Variants in RUBCNL observed in about 807,000 individuals in gnomAD.
RUBCNL encodes protein associated with UVRAG as autophagy enhancer.
Under a neutral mutation model 69.5 loss-of-function variants are expected in RUBCNL, and 62 were observed. The observed-to-expected ratio is 0.89, with a 90% CI of 0.73 to 1.10. RUBCNL has a LOEUF of 1.10. Among genes scored for constraint, RUBCNL ranks in the 50% least tolerant of loss-of-function variants. The pLI is 0.00. For synonymous variants in RUBCNL, 291 were observed against 303.6 expected (o/e 0.96, Z 0.43); for missense variants, 768 against 798.1 (o/e 0.96, Z 0.45).
At chr13:46,364,064 C>T (rs1257808435) in intron 5 of RUBCNL, among the ~76,000 whole-genome samples, 1 of 151,716 alleles carries the variant, frequency 6.6e-6, no homozygotes, top group East Asian at 1.9e-4. Context: ...AAAAGGAATA[C>T]AGTTGTTTAA....
Position 46,341,855 on chromosome 13 carries a change from G to A in RUBCNL, c.*1530C>T, listed in dbSNP as rs2048146629. ...ATCATGCACTTCCTGTGGGAACCTA[G>A]GAAAGTTATTTCTCTTCTCTAGGCC... On this transcript the variant is annotated 3_prime_UTR_variant, in exon 15 of 15. Coordinates refer to ENST00000429979, the MANE Select transcript of RUBCNL (RefSeq NM_025113.5). 1 of 152,220 alleles carries A rather than the reference G, an allele frequency of 6.6e-6. No individual in the cohort carries two copies. The highest frequency in any genetic ancestry group is 2.1e-4 in the South Asian group (1 of 4,836). 9.4% of individuals were successfully genotyped at this position (152,220 alleles called of 1,614,324 possible). A position where few individuals can be genotyped will look rare whatever the true frequency, so the allele number is the denominator to read the frequency against.
intron 9 of RUBCNL, among the ~76,000 whole-genome samples, chr13:46,357,160 T>G (rs906860342): frequency 6.6e-6 from 1 of 151,258 alleles, no homozygotes; most frequent in Non-Finnish European, 1.5e-5. Flanking sequence ...GGCCAAACCC[T>G]GTCTCTACTA....
chr13:46,370,531 T>C (rs967084687), intron 3 of RUBCNL, among the ~76,000 whole-genome samples: 4 of 152,200 alleles, frequency 2.6e-5, no homozygotes, highest in African/African-American at 4.8e-5. Flanking sequence ...ATGAATCCCC[T>C]TACTGAGTTT....
upstream of RUBCNL, among the ~76,000 whole-genome samples, chr13:46,388,964 C>T (rs1192498559): frequency 6.6e-6 from 1 of 152,146 alleles, no homozygotes; most frequent in East Asian, 1.9e-4. Context: ...CCAGCTTTGA[C>T]CTGCAAGAAC....
In RUBCNL at chr13:46,338,377, A is replaced by G. The variant is rs2138651806; in HGVS notation, c.*5008T>C. 6.6e-6 allele frequency among the ~76,000 whole-genome samples: 1 copy of G among 152,220 alleles called. No homozygotes were observed. Among genetic ancestry groups the G allele is most frequent in the East Asian group, 1.9e-4 (1 of 5,160 alleles). On this transcript the variant is annotated 3_prime_UTR_variant, in exon 15 of 15. Transcript: ENST00000429979. ...CCCTCTCTCTTCCCACTTTGGCTCC[A>G]TCCTACAAGCAGCTGCCCCTTGGCT...
At position 46,338,459 on chromosome 13, in the gene RUBCNL, C is replaced by T. The variant is rs2048118414; in HGVS notation, c.*4926G>A. Among the ~76,000 whole-genome samples the T allele has an allele frequency of 6.6e-6, 1 of 152,076 alleles. No homozygotes were observed. The highest frequency in any genetic ancestry group is 2.1e-4 in the South Asian group (1 of 4,832). The stretch of plus-strand genomic sequence containing the variant: ...CAGGAGGCTGGACCAGGGGAAAGAC[C>T]TGAGCAGCCCTAAAAGTGGGGTTGA... On this transcript the variant is annotated 3_prime_UTR_variant, in exon 15 of 15. Coordinates refer to ENST00000429979, the MANE Select transcript of RUBCNL (RefSeq NM_025113.5).
Position 46,339,266 on chromosome 13 carries a change from G to C in RUBCNL, c.*4119C>G, listed in dbSNP as rs1453583780. 6.6e-6 allele frequency among the ~76,000 whole-genome samples: 1 copy of C among 152,050 alleles called. No homozygotes were observed. Among genetic ancestry groups the C allele is most frequent in the African/African-American group, 2.4e-5 (1 of 41,396 alleles). ...GTATTGTTTTAGTTTCTAGTGAAGT[G>C]AAAAAGGGGAACTACGGTTTTCCTT... On this transcript the variant is annotated 3_prime_UTR_variant, in exon 15 of 15. Transcript: ENST00000429979.
intron 10 of RUBCNL, among the ~76,000 whole-genome samples, chr13:46,354,280 G>A (rs974715786): frequency 6.6e-6 from 1 of 152,094 alleles, no homozygotes; most frequent in African/African-American, 2.4e-5. Context: ...ATAAAGCCTG[G>A]GGTTTCATTA....
Position 46,338,417 on chromosome 13 carries a change from G to A in RUBCNL, c.*4968C>T, listed in dbSNP as rs1445285627. 6.6e-6 allele frequency among the ~76,000 whole-genome samples: 1 copy of A among 152,080 alleles called. No homozygotes were observed. Among genetic ancestry groups the A allele is most frequent in the Non-Finnish European group, 1.5e-5 (1 of 68,034 alleles). On this transcript the variant is annotated 3_prime_UTR_variant, in exon 15 of 15. Coordinates refer to ENST00000429979, the MANE Select transcript of RUBCNL (RefSeq NM_025113.5). ...GCCCCTTGGCTGCCTCTTGGTCTTA[G>A]CAGCGCAGTTCACTTTCAGGAGGCT...
At chr13:46,370,861 A>G (rs1239987821) in intron 3 of RUBCNL, among the ~76,000 whole-genome samples, 1 of 150,870 alleles carries the variant, frequency 6.6e-6, no homozygotes, top group Non-Finnish European at 1.5e-5. Context: ...CCACTACTAA[A>G]TTTGCAAGTC....
chr13:46,344,851 A>G lies in RUBCNL; in HGVS notation c.1786-20T>C. 6.5e-7 allele frequency: 1 copy of G among 1,547,022 alleles called. No homozygotes were observed. On this transcript the variant is annotated intron_variant, in intron 13 of 14. Coordinates refer to ENST00000429979, the MANE Select transcript of RUBCNL (RefSeq NM_025113.5). Reference sequence around the variant, plus strand: ...ACACAGCTGTAAAAGAAGACATCAAAAAGTTACAACCTTCTCTTGATGGAT... The same window carrying G: ...ACACAGCTGTAAAAGAAGACATCAAGAAGTTACAACCTTCTCTTGATGGAT...
chr13:46,342,501 A>G lies in RUBCNL; in HGVS notation c.*884T>C, dbSNP rs2048159355. ...GAACTATTAGAAAAAAGAAATTCAT[A>G]AAGGTTTTGTGATTCATTTAACCTT... On this transcript the variant is annotated 3_prime_UTR_variant, in exon 15 of 15. Transcript: ENST00000429979. 6.6e-6 allele frequency: 1 copy of G among 152,250 alleles called. No individual in the cohort carries two copies. The highest frequency in any genetic ancestry group is 2.4e-5 in the African/African-American group (1 of 41,468). 9.4% of individuals were successfully genotyped at this position (152,250 alleles called of 1,614,324 possible).
rs2048115661 is a variant in RUBCNL at position 46,338,101 on chromosome 13, C to T, written c.*5284G>A. On this transcript the variant is annotated 3_prime_UTR_variant, in exon 15 of 15. Transcript: ENST00000429979. ...CAGTACGCTGAAGAATGGGCAAGAT[C>T]GGGAGGGAGATGAAAAGGGGAAGCG... Among the ~76,000 whole-genome samples the T allele has an allele frequency of 6.6e-6, 1 of 152,096 alleles. No homozygotes were observed. Among genetic ancestry groups the T allele is most frequent in the African/African-American group, 2.4e-5 (1 of 41,412 alleles).
chr13:46,349,453 G>T, intron 11 of RUBCNL, 106 bp from the exon 12 acceptor site: 2 of 1,091,320 alleles, frequency 1.8e-6, no homozygotes, highest in South Asian at 2.7e-5. Context: ...TGCTGCACTT[G>T]TATAAAACAA....
At chr13:46,344,590 A>G in intron 14 of RUBCNL, 151 bp downstream of exon 14, 1 of 621,602 alleles carries the variant, frequency 1.6e-6, no homozygotes, top group East Asian at 2.8e-5. Context: ...AATCCAGCAT[A>G]CAAGCACACA....
At position 46,342,714 on chromosome 13, in the gene RUBCNL, G is replaced by T. The variant is rs1008375164; in HGVS notation, c.*671C>A. ...ACATTGCAGTGTGTGGAACAGAGAT[G>T]ACAAATACAGGTTCAATTTGTGCCA... On this transcript the variant is annotated 3_prime_UTR_variant, in exon 15 of 15. Coordinates refer to ENST00000429979, the MANE Select transcript of RUBCNL (RefSeq NM_025113.5). 6.6e-6 allele frequency: 1 copy of T among 152,280 alleles called. No individual in the cohort carries two copies. The highest frequency in any genetic ancestry group is 2.4e-5 in the African/African-American group (1 of 41,450). The allele number at this position is 152,280 out of a possible 1,614,324, so 9.4% of individuals were successfully genotyped here.
chr13:46,364,357 A>G (rs570982667), intron 5 of RUBCNL, among the ~76,000 whole-genome samples: 1 of 152,096 alleles, frequency 6.6e-6, no homozygotes, highest in Admixed American at 6.5e-5. Context: ...AAACCACACC[A>G]TTGCACTCCA....
At chr13:46,358,970 G>A (rs1026932193) in intron 9 of RUBCNL, among the ~76,000 whole-genome samples, 1 of 151,992 alleles carries the variant, frequency 6.6e-6, no homozygotes, top group South Asian at 2.1e-4. Context: ...GGAAGATAAA[G>A]TGGTCCAGTC....
rs748461127 is a variant in RUBCNL at position 46,343,375 on chromosome 13, C to G, written c.*10G>C. Reference sequence around the variant, plus strand: ...ATGTTGAACAGTCTTTTTCACAGTACTCAGGGGCATCATGTTGCTGCAGAG... The same window carrying G: ...ATGTTGAACAGTCTTTTTCACAGTAGTCAGGGGCATCATGTTGCTGCAGAG... On this transcript the variant is annotated 3_prime_UTR_variant, in exon 15 of 15. Coordinates refer to ENST00000429979, the MANE Select transcript of RUBCNL (RefSeq NM_025113.5). 1.9e-6 allele frequency: 3 copies of G among 1,611,824 alleles called. No individual in the cohort carries two copies. Among genetic ancestry groups the G allele is most frequent in the African/African-American group, 2.7e-5 (2 of 74,874 alleles).
Sources: gnomAD v4.1 joint callset for allele counts (sites outside exome capture counted in the v4.1 genomes callset) on GRCh38, gnomAD v4.1.1 for gene constraint, MANE v1.5 for transcripts, NCBI Gene and HGNC (gene_info 2026-07-23, HGNC 2026-07-21) for gene names.